Variants in ALG14 observed in about 807,000 individuals in gnomAD.
ALG14 encodes the protein ALG14 UDP-N-acetylglucosaminyltransferase subunit.
A neutral mutation model predicts 22.8 loss-of-function variants in ALG14; 17 were observed. The ratio of observed to expected loss-of-function variants is 0.75; its 90% CI spans 0.51 to 1.12. The LOEUF is 1.12. Among genes scored for constraint, ALG14 ranks in the 50% most tolerant of loss-of-function variants. The probability of loss-of-function intolerance (pLI) is 0.00; values close to 1 mark genes in which losing one functional copy is unlikely to be tolerated. For synonymous variants in ALG14, 89 were observed against 103.7 expected (o/e 0.86, Z 0.86); for missense variants, 288 against 271.8 (o/e 1.06, Z -0.42).
intron 2 of ALG14, among the ~76,000 whole-genome samples, chr1:95,059,557 A>G (rs1675064722): frequency 6.6e-6 from 1 of 151,470 alleles, no homozygotes; most frequent in African/African-American, 2.4e-5. Flanking sequence ...TTTTGTTTCT[A>G]TGTTAACTTT....
chr1:95,072,335 C>T (rs1403005315), intron 1 of ALG14, among the ~76,000 whole-genome samples: 1 of 152,194 alleles, frequency 6.6e-6, no homozygotes, highest in African/African-American at 2.4e-5. Context: ...TTTTTATCCT[C>T]TTGGACTTTG....
rs906036240 is a variant in ALG14 at position 94,982,219 on chromosome 1, G to C, written c.*857C>G. 3 of 147,956 alleles carry C rather than the reference G, an allele frequency of 2.0e-5. No individual in the cohort carries two copies. The highest frequency in any genetic ancestry group is 1.4e-4 in the Admixed American group (2 of 14,482). 9.2% of individuals were successfully genotyped at this position (147,956 alleles called of 1,614,324 possible). A position where few individuals can be genotyped will look rare whatever the true frequency, so the allele number is the denominator to read the frequency against. Reference sequence around the variant, plus strand: ...CGGCTCACTGCAGCCTCTGCCTCCCGGGTTCAAGCGATTCTCCTGCCTCAG... The same window carrying C: ...CGGCTCACTGCAGCCTCTGCCTCCCCGGTTCAAGCGATTCTCCTGCCTCAG... On this transcript the variant is annotated 3_prime_UTR_variant, in exon 4 of 4. Transcript: ENST00000370205.
intron 2 of ALG14, among the ~76,000 whole-genome samples, chr1:95,036,961 T>C (rs1469215655): frequency 6.6e-6 from 1 of 152,120 alleles, no homozygotes; most frequent in Non-Finnish European, 1.5e-5. Flanking sequence ...CAAAGAGAAA[T>C]GAGGCTGCAC....
At chr1:95,050,301 T>G (rs193108545) in intron 2 of ALG14, among the ~76,000 whole-genome samples, 2 of 152,292 alleles carry the variant, frequency 1.3e-5, no homozygotes, top group East Asian at 3.9e-4. Context: ...ACAGGAGTGT[T>G]TTCTATAGCC....
At chr1:95,010,538 AT>A (rs1673333947) in intron 3 of ALG14, among the ~76,000 whole-genome samples, 1 of 152,248 alleles carries the variant, frequency 6.6e-6, no homozygotes. Context: ...TATCATTGAT[AT>A]AGACACAATC....
intron 3 of ALG14, among the ~76,000 whole-genome samples, chr1:94,991,306 G>C (rs549713381): frequency 9.5e-4 from 144 of 152,292 alleles, no homozygotes; most frequent in African/African-American, 3.2e-3. Flanking sequence ...TGCATTATTA[G>C]GTGATTTCAC....
intron 3 of ALG14, among the ~76,000 whole-genome samples, chr1:95,020,300 A>T (rs1175378503): frequency 2.0e-5 from 3 of 152,190 alleles, no homozygotes; most frequent in Non-Finnish European, 4.4e-5. Flanking sequence ...TAACTGAAAA[A>T]GATACATCTA....
At chr1:95,037,852 A>G (rs1489897326) in intron 2 of ALG14, among the ~76,000 whole-genome samples, 2 of 152,156 alleles carry the variant, frequency 1.3e-5, no homozygotes, top group African/African-American at 4.8e-5. Context: ...GGATTCATTC[A>G]CTTGTTTCTT....
intron 2 of ALG14, among the ~76,000 whole-genome samples, chr1:95,037,692 T>C (rs1010339351): frequency 6.6e-6 from 1 of 152,214 alleles, no homozygotes; most frequent in Non-Finnish European, 1.5e-5. Context: ...AAGCGTAGGT[T>C]TATGTCACTT....
chr1:94,997,464 T>C (rs1672938241), intron 3 of ALG14, among the ~76,000 whole-genome samples: 1 of 152,228 alleles, frequency 6.6e-6, no homozygotes, highest in African/African-American at 2.4e-5. Context: ...CCCCTGTTTA[T>C]TGAAACAGTT....
chr1:95,015,320 A>C (rs1673470257), intron 3 of ALG14, among the ~76,000 whole-genome samples: 1 of 152,212 alleles, frequency 6.6e-6, no homozygotes, highest in African/African-American at 2.4e-5. Flanking sequence ...GACCTCTCCA[A>C]GCACCTGACA....
chr1:94,990,723 T>C (rs1412075214), intron 3 of ALG14, among the ~76,000 whole-genome samples: 1 of 152,258 alleles, frequency 6.6e-6, no homozygotes, highest in African/African-American at 2.4e-5. Flanking sequence ...AAGTTATAAA[T>C]TGTTTTCATT....
At chr1:95,013,295 T>A (rs751992401) in intron 3 of ALG14, among the ~76,000 whole-genome samples, 13 of 152,148 alleles carry the variant, frequency 8.5e-5, no homozygotes, top group Non-Finnish European at 1.8e-4. Flanking sequence ...TAGCCCTCCA[T>A]CTCTTTTGAT....
rs1672393532 is a variant in ALG14, at chr1:94,976,118, T to C, written c.*6958A>G. 1 of 151,024 alleles carries C rather than the reference T, an allele frequency of 6.6e-6. No homozygotes were observed. The highest frequency in any genetic ancestry group is 1.5e-5 in the Non-Finnish European group (1 of 67,782). 9.4% of individuals were successfully genotyped at this position (151,024 alleles called of 1,614,324 possible). A position where few individuals can be genotyped will look rare whatever the true frequency, so the allele number is the denominator to read the frequency against. ...TGTGACTGAGGGCTTGAGGGCTTAC[T>C]ATTTAGCAGGCTCTGTGCTAAACAC... is the stretch of plus-strand genomic sequence containing the variant. On this transcript the variant is annotated 3_prime_UTR_variant, in exon 4 of 4. Coordinates refer to ENST00000370205, the MANE Select transcript of ALG14 (RefSeq NM_144988.4).
At chr1:95,005,662 G>A (rs1673196951) in intron 3 of ALG14, among the ~76,000 whole-genome samples, 1 of 152,130 alleles carries the variant, frequency 6.6e-6, no homozygotes, top group Admixed American at 6.5e-5. Context: ...CTTGTATCAA[G>A]TAAAAAGAAA....
rs1672448298 is a variant in ALG14 at position 94,979,032 on chromosome 1, C to T, written c.*4044G>A. The T allele has an allele frequency of 6.6e-6, 1 of 151,770 alleles. No homozygotes were observed. Among genetic ancestry groups the T allele is most frequent in the South Asian group, 2.1e-4 (1 of 4,798 alleles). 9.4% of individuals were successfully genotyped at this position (151,770 alleles called of 1,614,324 possible). ...GGACGTGTGGCTTACACCTGTAATT[C>T]CAGCACTTTGGGAGGCCAAGATGGG... On this transcript the variant is annotated 3_prime_UTR_variant, in exon 4 of 4. Transcript: ENST00000370205.
chr1:95,024,758 T>C (rs1436578656), intron 3 of ALG14, among the ~76,000 whole-genome samples: 1 of 152,210 alleles, frequency 6.6e-6, no homozygotes, highest in Non-Finnish European at 1.5e-5. Context: ...AGTTTCATCA[T>C]GAGATTTTAG....
intron 3 of ALG14, among the ~76,000 whole-genome samples, chr1:95,016,522 AC>A (rs1315739166): frequency 6.6e-6 from 1 of 152,190 alleles, no homozygotes; most frequent in Non-Finnish European, 1.5e-5. Flanking sequence ...ATATTTAGAA[AC>A]CCACCAAGAT....
chr1:95,070,232 T>C (rs984011995), intron 1 of ALG14, among the ~76,000 whole-genome samples: 10 of 152,158 alleles, frequency 6.6e-5, no homozygotes, highest in Admixed American at 3.3e-4. Flanking sequence ...TTATACCCTT[T>C]TGTCCAGTCA....
Sources: gnomAD v4.1 joint callset for allele counts (sites outside exome capture counted in the v4.1 genomes callset) on GRCh38, gnomAD v4.1.1 for gene constraint, MANE v1.5 for transcripts, NCBI Gene and HGNC (gene_info 2026-07-23, HGNC 2026-07-21) for gene names.